Variants in RELA observed in about 807,000 individuals in gnomAD.
The protein encoded by RELA is RELA proto-oncogene, NF-kB subunit.
In RELA, 14 loss-of-function variants were observed where a neutral mutation model predicts 56.7. The ratio of observed to expected loss-of-function variants is 0.25; its 90% CI spans 0.16 to 0.39. The LOEUF (loss-of-function observed/expected upper bound fraction) is 0.39, where lower values mean the gene tolerates loss of function less well. Among genes scored for constraint, RELA ranks in the 10% least tolerant of loss-of-function variants. The pLI is 1.00. For synonymous variants in RELA, 315 were observed against 289.7 expected, an observed-to-expected ratio of 1.09 and a Z score of -0.89; for missense variants, 559 against 736.4, an observed-to-expected ratio of 0.76 and a Z score of 2.79.
chr11:65,662,137 AC>A, intron 2 of RELA, 41 bp downstream of exon 2: 1 of 1,595,876 alleles, frequency 6.3e-7, no homozygotes, highest in African/African-American at 1.4e-5. Context: ...CCACTGCCCT[AC>A]CCCAGGGAGC....
chr11:65,660,061 C>G (rs1565191376), intron 5 of RELA, 63 bp downstream of exon 5: 1 of 1,499,378 alleles, frequency 6.7e-7, no homozygotes, highest in Non-Finnish European at 9.3e-7. Flanking sequence ...GAGGGAGATG[C>G]AGGAAAGGCG....
intron 4 of RELA, chr11:65,660,874 T>C (rs1400739723): frequency 6.6e-6 from 1 of 151,816 alleles, no homozygotes; most frequent in Non-Finnish European, 1.5e-5. Context: ...CTGTCTCTAC[T>C]AAAAAATACA....
At chr11:65,661,037 TAAAAAAAAAAAAA>T (rs34431664) in intron 4 of RELA, among the ~76,000 whole-genome samples, 33 of 109,258 alleles carry the variant, frequency 3.0e-4, no homozygotes, top group Admixed American at 7.0e-4. Flanking sequence ...GACTCTTTCT[TAAAAAAAAAAAAA>T]AAAAAAAAAA....
At position 65,654,082 on chromosome 11, in the gene RELA, G is replaced by C; in HGVS notation, c.*296C>G. 1 of 450,812 alleles carries C rather than the reference G, an allele frequency of 2.2e-6. No homozygotes were observed. Among genetic ancestry groups the C allele is most frequent in the South Asian group, 2.1e-5 (1 of 47,934 alleles). 27.9% of individuals were successfully genotyped at this position (450,812 alleles called of 1,614,324 possible). ...GTACCAGAAGCTGGAGGATGGGGATGGGGGACCCCAGAGTTCCCTACAGAG... is the reference window on the plus strand; with the variant it reads ...GTACCAGAAGCTGGAGGATGGGGATCGGGGACCCCAGAGTTCCCTACAGAG... On this transcript the variant is annotated 3_prime_UTR_variant, in exon 11 of 11. Transcript: ENST00000406246.
chr11:65,655,698 G>A lies in RELA; in HGVS notation c.1023C>T (p.Val341=). ...IAVPSRSSAS[V]PKPAPQPYPF... ...AAAGGAAATCCTTACCTGGCTTGGG[G>A]ACAGAAGCTGAGCTGCGGGAAGGCA... The change falls in exon 10 of 11, where the codon GTC becomes GTT. Residue 341 remains valine (V), a synonymous_variant. Coordinates refer to ENST00000406246, the MANE Select transcript of RELA (RefSeq NM_021975.4). The A allele has an allele frequency of 6.2e-7, 1 of 1,614,064 alleles. No homozygotes were observed. Among genetic ancestry groups the A allele is most frequent in the African/African-American group, 1.3e-5 (1 of 75,024 alleles).
In RELA at chr11:65,662,311, C is replaced by T. The variant is rs11568292; in HGVS notation, c.8-106G>A. 4,314 of 1,355,492 alleles carry T rather than the reference C, an allele frequency of 3.2e-3. 113 individuals are homozygous for T. The African/African-American group carries it at 0.055, about 17-fold the overall frequency. 84.0% of individuals were successfully genotyped at this position (1,355,492 alleles called of 1,614,324 possible). A position where few individuals can be genotyped will look rare whatever the true frequency, so the allele number is the denominator to read the frequency against. ...GAAGCCAGGCTCCCTCCCAGGGGAA[C>T]TGAGTCAGGACCTGCTCCCTAGAAC... On this transcript the variant is annotated intron_variant, in intron 1 of 10. Transcript: ENST00000406246.
Position 65,654,420 on chromosome 11 carries a change from C to A in RELA, c.1614G>T (p.Ala538=), listed in dbSNP as rs368024638. Residue 538 remains alanine (A), a synonymous_variant, in exon 11 of 11, where the codon GCG becomes GCT. Transcript: ENST00000406246. ...TCAGCAGGGCTGAGAAGTCCATGTCCGCAATGGAGGAGAAGTCTTCATCTC... is the reference window on the plus strand; with the variant it reads ...TCAGCAGGGCTGAGAAGTCCATGTCAGCAATGGAGGAGAAGTCTTCATCTC... ...LSGDEDFSSI[A]DMDFSALLSQ... is the part of the protein sequence containing the mutation. 1 of 1,611,810 alleles carries A rather than the reference C, an allele frequency of 6.2e-7. No individual in the cohort carries two copies. The highest frequency in any genetic ancestry group is 1.1e-5 in the South Asian group (1 of 90,696).
In RELA at chr11:65,654,264, G is replaced by A; in HGVS notation, c.*114C>T. ...AAATATGGCTCCCCCCTCCAAGGAA[G>A]ACATCCACAAAGTTGGGGGCAGTTG... On this transcript the variant is annotated 3_prime_UTR_variant, in exon 11 of 11. Transcript: ENST00000406246. 1 of 1,291,038 alleles carries A rather than the reference G, an allele frequency of 7.7e-7. No homozygotes were observed. Among genetic ancestry groups the A allele is most frequent in the Non-Finnish European group, 1.1e-6 (1 of 897,726 alleles). The allele number at this position is 1,291,038 out of a possible 1,614,324, so 80.0% of individuals were successfully genotyped here.
chr11:65,654,890 C>A lies in RELA; in HGVS notation c.1144G>T (p.Ala382Ser). ...QISQASALAP[A>S]PPQVLPQAPA... is the part of the protein sequence containing the mutation. ...GCCTGGGGCAGGACTTGGGGAGGGG[C>A]CGGGGCCAAGGCCGAGGCCTGGCTG... Residue 382 changes from alanine (A) to serine (S), a missense_variant, in exon 11 of 11, where the codon GCC becomes TCC. Physicochemically the swap from Ala to Ser is moderately conservative, Grantham distance 99. This residue lies in a region of RELA where 365 missense variants were observed against 387.5 expected (regional missense o/e 0.94). Coordinates refer to ENST00000406246, the MANE Select transcript of RELA (RefSeq NM_021975.4). 6.3e-7 allele frequency: 1 copy of A among 1,583,596 alleles called. No individual in the cohort carries two copies. The highest frequency in any genetic ancestry group is 1.8e-5 in the Admixed American group (1 of 54,292).
rs535802327 is a variant in RELA, at chr11:65,655,270, G to A, written c.1034-270C>T. ...GAAGGGACACTTGGAGAGATAAGCT[G>A]GACTCCTCAGTTTACAGCTGAAAAA... On this transcript the variant is annotated intron_variant, in intron 10 of 10. Coordinates refer to ENST00000406246, the MANE Select transcript of RELA (RefSeq NM_021975.4). The A allele has an allele frequency of 8.8e-6, 5 of 571,280 alleles. No homozygotes were observed. In the South Asian group the frequency reaches 1.1e-4, roughly 13 times the overall value. 35.4% of individuals were successfully genotyped at this position (571,280 alleles called of 1,614,324 possible).
intron 10 of RELA, 109 bp downstream of exon 10, chr11:65,655,579 C>T (rs1362969410): frequency 1.9e-6 from 2 of 1,078,828 alleles, no homozygotes; most frequent in African/African-American, 1.6e-5. Context: ...CCTTTCAAAG[C>T]CTCTGATTCA....
At chr11:65,659,340 T>A (rs1856505761) in intron 6 of RELA, among the ~76,000 whole-genome samples, 1 of 152,162 alleles carries the variant, frequency 6.6e-6, no homozygotes, top group African/African-American at 2.4e-5. Context: ...TCTCGAACAC[T>A]ATCTTGTTCC....
Position 65,661,634 on chromosome 11 carries a change from T to C in RELA, c.335+53A>G, listed in dbSNP as rs1856569152. 7.3e-6 allele frequency: 11 copies of C among 1,504,710 alleles called. No individual in the cohort carries two copies. The East Asian group carries it at 1.6e-4, about 22-fold the overall frequency. The allele number at this position is 1,504,710 out of a possible 1,614,324, so 93.2% of individuals were successfully genotyped here. On this transcript the variant is annotated intron_variant, in intron 4 of 10. Transcript: ENST00000406246. ...GAGTAACACTGTAGCGGCTACTTCA[T>C]AGCCCGCCTCCTGTCCCCTCATGCT...
Position 65,661,778 on chromosome 11 carries a change from G to C in RELA, c.244C>G (p.Pro82Ala). 1 of 1,613,980 alleles carries C rather than the reference G, an allele frequency of 6.2e-7. No homozygotes were observed. Among genetic ancestry groups the C allele is most frequent in the Non-Finnish European group, 8.5e-7 (1 of 1,179,948 alleles). The change falls in exon 4 of 11, where the codon CCT becomes GCT. Residue 82 changes from proline to alanine, a missense_variant. Pro to Ala is a conservative substitution (Grantham distance 27). Transcript: ENST00000406246. ...VRISLVTKDP[P>A]HRPHPHELVG... ...AGCTCGTGGGGGTGAGGCCGGTGAGGAGGGTCCTTGGTGACCAGGGAGATG... is the reference window on the plus strand; with the variant it reads ...AGCTCGTGGGGGTGAGGCCGGTGAGCAGGGTCCTTGGTGACCAGGGAGATG...
At chr11:65,655,666 T>A (rs1482456495) in intron 10 of RELA, 22 bp downstream of exon 10, 2 of 1,612,462 alleles carry the variant, frequency 1.2e-6, no homozygotes. Context: ...GTCGTTCCAG[T>A]GGGACAAAAG....
Position 65,655,717 on chromosome 11 carries a change from G to A in RELA, c.1004C>T (p.Ser335Phe), listed in dbSNP as rs757592217. ...CTTGGGGACAGAAGCTGAGCTGCGG[G>A]AAGGCACAGCAATGCGTCGAGGTGG... ...RPPPRRIAVP[S>F]RSSASVPKPA... Residue 335 changes from serine (S) to phenylalanine (F), a missense_variant, in exon 10 of 11, where the codon TCC becomes TTC. Around this residue, in one of 4 missense-constraint regions of RELA, gnomAD observed 365 missense variants for 387.5 expected, o/e 0.94. Transcript: ENST00000406246. The A allele has an allele frequency of 1.9e-6, 3 of 1,614,144 alleles. No individual in the cohort carries two copies. The highest frequency in any genetic ancestry group is 1.7e-6 in the Non-Finnish European group (2 of 1,180,016).
chr11:65,662,683 C>T, intron 1 of RELA, 143 bp downstream of exon 1: 2 of 587,130 alleles, frequency 3.4e-6, no homozygotes, highest in Middle Eastern at 5.7e-4. Context: ...GCCTGCCCCG[C>T]CCCGCGCCAC....
Position 65,661,975 on chromosome 11 carries a change from T to G in RELA, c.148A>C (p.Arg50=). ...TGGGTCTTGGTGGTATCTGTGCTCC[T>G]CTCGCCTGGGATGCTGCCCGCGGAG... The part of the protein sequence containing the change: ...GRSAGSIPGE[R]STDTTKTHPT... The change falls in exon 3 of 11, where the codon AGG becomes CGG. Residue 50 remains arginine (R), a synonymous_variant. Transcript: ENST00000406246. The G allele has an allele frequency of 6.2e-7, 1 of 1,613,928 alleles. No homozygotes were observed. Among genetic ancestry groups the G allele is most frequent in the Non-Finnish European group, 8.5e-7 (1 of 1,179,984 alleles).
At chr11:65,655,066 C>A in intron 10 of RELA, 66 bp from the exon 11 acceptor site, 1 of 1,279,906 alleles carries the variant, frequency 7.8e-7, no homozygotes. Context: ...GTCCTCTGTA[C>A]CCCAGCCCCT....
Sources: allele counts gnomAD v4.1 joint callset (sites outside exome capture counted in the v4.1 genomes callset), GRCh38; gene constraint gnomAD v4.1.1; regional missense constraint gnomAD v4.1.1; transcripts MANE v1.5; gene names NCBI Gene and HGNC (gene_info 2026-07-23, HGNC 2026-07-21).